GPRC5A: variants seen among roughly 807,000 people sequenced by gnomAD.
The protein encoded by GPRC5A is G protein-coupled receptor class C group 5 member A, also known as retinoic acid-induced protein 3.
A neutral mutation model predicts 22.5 loss-of-function variants in GPRC5A; 19 were observed. The ratio of observed to expected loss-of-function variants is 0.85; its 90% CI spans 0.59 to 1.24. The LOEUF (loss-of-function observed/expected upper bound fraction) is 1.24. Ranked by LOEUF, GPRC5A falls within the 50% of genes most tolerant of loss-of-function variation. The pLI, the probability that GPRC5A is intolerant of heterozygous loss-of-function variation, is 0.00. For synonymous variants in GPRC5A, 192 were observed against 184.5 expected, an observed-to-expected ratio of 1.04 and a Z score of -0.33; for missense variants, 471 against 451.1, an observed-to-expected ratio of 1.04 and a Z score of -0.40.
In GPRC5A at chr12:12,908,352, G is replaced by A. The variant is rs1329438435; in HGVS notation, c.103G>A (p.Ala35Thr). The change falls in exon 2 of 4, where the codon GCC (alanine) becomes ACC (threonine). Residue 35 changes from alanine (A) to threonine (T), a missense_variant. Ala to Thr is a moderately conservative substitution (Grantham distance 58). Transcript: ENST00000014914. The part of the protein sequence containing the change: ...EAWGIVLETV[A>T]TAGVVTSVAF... ...TTGGGGCATCGTCCTAGAAACGGTG[G>A]CCACAGCCGGGGTTGTGACCTCGGT... is the stretch of plus-strand genomic sequence containing the variant. The A allele has an allele frequency of 6.2e-7, 1 of 1,613,934 alleles. No homozygotes were observed.
At chr12:12,909,574 C>T (rs1211024380) in intron 2 of GPRC5A, 3 of 163,120 alleles carry the variant, frequency 1.8e-5, no homozygotes, top group Non-Finnish European at 4.0e-5. Flanking sequence ...TAAAAGATAA[C>T]GAGGCATTCC....
rs200606565 is a variant in GPRC5A at position 12,917,257 on chromosome 12, CGT to C, written c.*4720_*4721del. On this transcript the variant is annotated 3_prime_UTR_variant, in exon 4 of 4. Coordinates refer to ENST00000014914, the MANE Select transcript of GPRC5A (RefSeq NM_003979.4). ...GTGTGTGTGTGTGTGTGTGTGCGTG[CGT>C]GCGTGTATGTGCGCCTGACCCTGAT... 4,883 of 46,476 alleles carry C rather than the reference CGT, an allele frequency of 0.11. 109 individuals are homozygous for C. Among genetic ancestry groups the C allele is most frequent in the South Asian group, 0.23 (278 of 1,228 alleles). 2.9% of individuals were successfully genotyped at this position (46,476 alleles called of 1,614,324 possible).
chr12:12,912,450 C>A lies in GPRC5A; in HGVS notation c.985C>A (p.Gln329Lys). The change falls in exon 4 of 4, where the codon CAG becomes AAG. Residue 329 changes from glutamine to lysine, a missense_variant. By Grantham distance (53) the Gln-to-Lys change is moderately conservative. Coordinates refer to ENST00000014914, the MANE Select transcript of GPRC5A (RefSeq NM_003979.4). Reference sequence around the variant, plus strand: ...GATATGACTGTTTCCTTTTCAGAACCAGCCTCCCCAAAAGGAATTCTCCAT... The same window carrying A: ...GATATGACTGTTTCCTTTTCAGAACAAGCCTCCCCAAAAGGAATTCTCCAT... ...PYSTHFQLQN[Q>K]PPQKEFSIPR... 1 of 1,604,242 alleles carries A rather than the reference C, an allele frequency of 6.2e-7. No individual in the cohort carries two copies. The highest frequency in any genetic ancestry group is 8.5e-7 in the Non-Finnish European group (1 of 1,170,982).
At chr12:12,902,770 C>A (rs1475896137) in intron 1 of GPRC5A, among the ~76,000 whole-genome samples, 1 of 149,986 alleles carries the variant, frequency 6.7e-6, no homozygotes. Flanking sequence ...GAATCTATCT[C>A]AAAAAGAAAA....
chr12:12,901,225 C>T (rs1251974870), intron 1 of GPRC5A, among the ~76,000 whole-genome samples: 1 of 152,180 alleles, frequency 6.6e-6, no homozygotes, highest in African/African-American at 2.4e-5. Flanking sequence ...GGGTGGAGCA[C>T]ATGACTGGAT....
intron 1 of GPRC5A, among the ~76,000 whole-genome samples, chr12:12,903,534 G>T (rs939464596): frequency 6.6e-6 from 1 of 152,164 alleles, no homozygotes; most frequent in African/African-American, 2.4e-5. Context: ...CGATCAGCCC[G>T]CTTCGGCCTC....
chr12:12,908,772 GA>G lies in GPRC5A; in HGVS notation c.525del (p.Asp176ThrfsTer12). The part of the protein sequence containing the change: ...FSELSAPRRN[E>X]DFVLLLTYVL... ...TGAGCTTTCCGCTCCTCGTCGCAATGAAGACTTTGTCCTCCTGCTCACCTAC... is the reference window on the plus strand; with the variant it reads ...TGAGCTTTCCGCTCCTCGTCGCAATGAGACTTTGTCCTCCTGCTCACCTAC... On this transcript the variant is annotated frameshift_variant, in exon 2 of 4. Coordinates refer to ENST00000014914, the MANE Select transcript of GPRC5A (RefSeq NM_003979.4). LOFTEE classifies it high-confidence loss of function. The G allele has an allele frequency of 6.2e-7, 1 of 1,614,244 alleles. No homozygotes were observed. Among genetic ancestry groups the G allele is most frequent in the Non-Finnish European group, 8.5e-7 (1 of 1,180,042 alleles).
chr12:12,899,024 T>G (rs1441586846), intron 1 of GPRC5A, among the ~76,000 whole-genome samples: 1 of 152,100 alleles, frequency 6.6e-6, no homozygotes, highest in Non-Finnish European at 1.5e-5. Context: ...AATTTTATAT[T>G]TATTTATTTA....
intron 2 of GPRC5A, 22 bp downstream of exon 2, chr12:12,909,193 G>A: frequency 6.7e-7 from 1 of 1,491,988 alleles, no homozygotes; most frequent in South Asian, 1.2e-5. Flanking sequence ...GCCTGGCTAG[G>A]CAGAGAATCC....
rs905069469 is a variant in GPRC5A, at chr12:12,908,515, T to C, written c.266T>C (p.Leu89Pro). ...FGLTFAFIIG[L>P]DGSTGPTRFF... Reference sequence around the variant, plus strand: ...CTCACCTTCGCCTTCATCATCGGACTGGACGGGAGCACAGGGCCCACACGC... The same window carrying C: ...CTCACCTTCGCCTTCATCATCGGACCGGACGGGAGCACAGGGCCCACACGC... The change falls in exon 2 of 4, where the codon CTG becomes CCG. Residue 89 changes from leucine (L) to proline (P), a missense_variant. By Grantham distance (98) the Leu-to-Pro change is moderately conservative. Transcript: ENST00000014914. 7.4e-6 allele frequency: 12 copies of C among 1,614,080 alleles called. No homozygotes were observed. In the Admixed American group the frequency reaches 8.3e-5, roughly 11 times the overall value.
rs944914490 is a variant in GPRC5A at position 12,912,885 on chromosome 12, G to A, written c.*346G>A. 2 of 225,688 alleles carry A rather than the reference G, an allele frequency of 8.9e-6. No individual in the cohort carries two copies. Among genetic ancestry groups the A allele is most frequent in the South Asian group, 1.1e-4 (1 of 9,460 alleles). 14.0% of individuals were successfully genotyped at this position (225,688 alleles called of 1,614,324 possible). On this transcript the variant is annotated 3_prime_UTR_variant, in exon 4 of 4. Coordinates refer to ENST00000014914, the MANE Select transcript of GPRC5A (RefSeq NM_003979.4). ...CACCCAGGCTTGAGTGCAGTGGTGCGATCACAGCCCAGTGCAGCCTCGACC... is the reference window on the plus strand; with the variant it reads ...CACCCAGGCTTGAGTGCAGTGGTGCAATCACAGCCCAGTGCAGCCTCGACC...
intron 1 of GPRC5A, among the ~76,000 whole-genome samples, chr12:12,897,551 T>A (rs1298516373): frequency 2.0e-5 from 3 of 151,372 alleles, no homozygotes; most frequent in Non-Finnish European, 4.4e-5. Context: ...GAGAAAGGCC[T>A]TGAAGCTCAA....
Position 12,908,415 on chromosome 12 carries a change from G to C in GPRC5A, c.166G>C (p.Val56Leu). ...CACTCTCCCGATCCTCGTCTGCAAG[G>C]TGCAGGACTCCAACAGGCGAAAAAT... is the stretch of plus-strand genomic sequence containing the variant. ...MLTLPILVCK[V>L]QDSNRRKMLP... is the part of the protein sequence containing the mutation. Residue 56 changes from valine (V) to leucine (L), a missense_variant, in exon 2 of 4, where the codon GTG (valine) becomes CTG (leucine). By Grantham distance (32) the Val-to-Leu change is conservative. Coordinates refer to ENST00000014914, the MANE Select transcript of GPRC5A (RefSeq NM_003979.4). 6.2e-7 allele frequency: 1 copy of C among 1,614,172 alleles called. No homozygotes were observed. The highest frequency in any genetic ancestry group is 8.5e-7 in the Non-Finnish European group (1 of 1,180,024).
At chr12:12,892,200 A>G (rs1402825310) in intron 1 of GPRC5A, among the ~76,000 whole-genome samples, 2 of 152,154 alleles carry the variant, frequency 1.3e-5, no homozygotes, top group African/African-American at 4.8e-5. Context: ...GTGGGCGGTC[A>G]GTTCCACTCT....
At chr12:12,904,378 T>C (rs1863918829) in intron 1 of GPRC5A, among the ~76,000 whole-genome samples, 1 of 152,200 alleles carries the variant, frequency 6.6e-6, no homozygotes, top group Non-Finnish European at 1.5e-5. Flanking sequence ...AGCCCATTCT[T>C]TGTGCTCTGC....
Position 12,909,188 on chromosome 12 carries a change from G to A in GPRC5A, c.922+17G>A. 2.0e-6 allele frequency: 3 copies of A among 1,513,486 alleles called. No homozygotes were observed. Among genetic ancestry groups the A allele is most frequent in the East Asian group, 2.3e-5 (1 of 44,200 alleles). 93.8% of individuals were successfully genotyped at this position (1,513,486 alleles called of 1,614,324 possible). A position where few individuals can be genotyped will look rare whatever the true frequency, so the allele number is the denominator to read the frequency against. On this transcript the variant is annotated intron_variant, in intron 2 of 3. Coordinates refer to ENST00000014914, the MANE Select transcript of GPRC5A (RefSeq NM_003979.4). ...TCACTCAAGGTACAGATGCAGCCTG[G>A]CTAGGCAGAGAATCCCTTGTAGAAA...
In GPRC5A at chr12:12,917,426, G is replaced by C. The variant is rs1430360896; in HGVS notation, c.*4887G>C. The C allele has an allele frequency of 1.3e-5, 2 of 152,026 alleles. No homozygotes were observed. Among genetic ancestry groups the C allele is most frequent in the African/African-American group, 4.8e-5 (2 of 41,368 alleles). 9.4% of individuals were successfully genotyped at this position (152,026 alleles called of 1,614,324 possible). A position where few individuals can be genotyped will look rare whatever the true frequency, so the allele number is the denominator to read the frequency against. On this transcript the variant is annotated 3_prime_UTR_variant, in exon 4 of 4. Transcript: ENST00000014914. ...TTTTACAGAGGAACTCAGGGCTAAT[G>C]GAGTTAATGCAACTAGATCAGGGTT...
Position 12,909,135 on chromosome 12 carries a change from G to A in GPRC5A, c.886G>A (p.Glu296Lys). The A allele has an allele frequency of 6.3e-7, 1 of 1,598,614 alleles. No individual in the cohort carries two copies. The highest frequency in any genetic ancestry group is 8.5e-7 in the Non-Finnish European group (1 of 1,178,926). ...PQLVKKSYGV[E>K]NRAYSQEEIT... ...ACTCGTGAAGAAGAGCTATGGTGTG[G>A]AGAACAGAGCCTACTCTCAAGAGGA... The change falls in exon 2 of 4, where the codon GAG becomes AAG. Residue 296 changes from glutamate (E) to lysine (K), a missense_variant. Glu to Lys is a moderately conservative substitution (Grantham distance 56). Coordinates refer to ENST00000014914, the MANE Select transcript of GPRC5A (RefSeq NM_003979.4).
At position 12,894,772 on chromosome 12, in the gene GPRC5A, G is replaced by GTTTTTTTTT; in HGVS notation, c.-8+3124_-8+3132dup. On this transcript the variant is annotated intron_variant, in intron 1 of 3. Transcript: ENST00000014914. ...AGTTGGTGCATAAAAGTCTAGGATG[G>GTTTTTTTTT]TTTTTTTTTTTTTTTTTTTTTTTTG... is the stretch of plus-strand genomic sequence containing the variant. Among the ~76,000 whole-genome samples the GTTTTTTTTT allele has an allele frequency of 5.9e-4, 40 of 67,462 alleles. 7 individuals are homozygous for GTTTTTTTTT. The highest frequency in any genetic ancestry group is 1.0e-3 in the Admixed American group (4 of 3,876). The allele number at this position is 67,462 out of a possible 152,430, so 44.3% of individuals were successfully genotyped here.
Sources: allele counts gnomAD v4.1 joint callset (sites outside exome capture counted in the v4.1 genomes callset), GRCh38; gene constraint gnomAD v4.1.1; transcripts MANE v1.5; gene names NCBI Gene and HGNC (gene_info 2026-07-23, HGNC 2026-07-21).